The following ZNF490 variants were observed in gnomAD, a reference collection of about 807,000 sequenced individuals.
ZNF490 encodes zinc finger protein 490.
A neutral mutation model predicts 17.7 loss-of-function variants in ZNF490; 11 were observed. The ratio of observed to expected loss-of-function variants is 0.62; its 90% confidence interval spans 0.39 to 1.03. The LOEUF (loss-of-function observed/expected upper bound fraction) is 1.03. ZNF490 is among the 50% of genes least tolerant of loss of function. The pLI is 0.00. For synonymous variants in ZNF490, 222 were observed against 216.1 expected, an observed-to-expected ratio of 1.03 and a Z score of -0.24; for missense variants, 542 against 643.4, an observed-to-expected ratio of 0.84 and a Z score of 1.71.
intron 2 of ZNF490, among the ~76,000 whole-genome samples, chr19:12,590,732 C>T (rs1426386460): frequency 6.6e-6 from 1 of 152,032 alleles, no homozygotes; most frequent in Non-Finnish European, 1.5e-5. Flanking sequence ...ACATATAAGG[C>T]CAACTCCTTT....
At chr19:12,595,208 C>T (rs2022917127) in intron 2 of ZNF490, among the ~76,000 whole-genome samples, 1 of 150,784 alleles carries the variant, frequency 6.6e-6, no homozygotes, top group Non-Finnish European at 1.5e-5. Context: ...AGGGTGTGAT[C>T]TCGGCTCACC....
chr19:12,582,767 T>C, intron 4 of ZNF490, 83 bp downstream of exon 4: 1 of 1,175,610 alleles, frequency 8.5e-7, no homozygotes, highest in Non-Finnish European at 1.3e-6. Flanking sequence ...CTCTGCTTAT[T>C]GTTTTGCTTG....
At chr19:12,600,962 C>T (rs528449618) in intron 2 of ZNF490, among the ~76,000 whole-genome samples, 14 of 151,904 alleles carry the variant, frequency 9.2e-5, no homozygotes, top group South Asian at 2.1e-4. Context: ...TGGTGGTGCA[C>T]GCCTGTAGCC....
chr19:12,606,346 T>C (rs924722348), intron 2 of ZNF490, among the ~76,000 whole-genome samples: 1 of 147,540 alleles, frequency 6.8e-6, no homozygotes, highest in African/African-American at 2.5e-5. Context: ...GGTAATTCTT[T>C]TTTTTTTTTT....
intron 2 of ZNF490, among the ~76,000 whole-genome samples, chr19:12,590,458 C>T (rs1374656148): frequency 6.6e-6 from 1 of 150,554 alleles, no homozygotes; most frequent in Non-Finnish European, 1.5e-5. Context: ...CTCAATGATC[C>T]CCCCAACCCC....
chr19:12,590,121 T>C (rs545462328), intron 2 of ZNF490, among the ~76,000 whole-genome samples: 1 of 152,098 alleles, frequency 6.6e-6, no homozygotes, highest in Admixed American at 6.6e-5. Context: ...TTCACCATAT[T>C]GACCAGGCTG....
chr19:12,580,924 T>A lies in ZNF490; in HGVS notation c.1151A>T (p.His384Leu), dbSNP rs1460508211. ...SSSCEVHERT[H>L]FGEKPYECKQ... ...ACATTCATAGGGTTTTTCTCCAAAA[T>A]GAGTTCTTTCGTGCACTTCACAGGA... is the stretch of plus-strand genomic sequence containing the variant. The change falls in exon 5 of 5, where the codon CAT becomes CTT. Residue 384 changes from histidine (H) to leucine (L), a missense_variant. By Grantham distance (99) the His-to-Leu change is moderately conservative. Transcript: ENST00000311437. 1 of 1,614,110 alleles carries A rather than the reference T, an allele frequency of 6.2e-7. No homozygotes were observed. The highest frequency in any genetic ancestry group is 1.7e-5 in the Admixed American group (1 of 59,996).
chr19:12,579,993 G>C lies in ZNF490; in HGVS notation c.*492C>G. ...GTGGTGGCGCATGCCTGTAATCCCAGCTTCTTGGGAGGCTGCGGCAGGAGA... is the reference window on the plus strand; with the variant it reads ...GTGGTGGCGCATGCCTGTAATCCCACCTTCTTGGGAGGCTGCGGCAGGAGA... On this transcript the variant is annotated 3_prime_UTR_variant, in exon 5 of 5. Transcript: ENST00000311437. 1 of 264,808 alleles carries C rather than the reference G, an allele frequency of 3.8e-6. No individual in the cohort carries two copies. The highest frequency in any genetic ancestry group is 5.9e-6 in the Non-Finnish European group (1 of 170,936). 16.4% of individuals were successfully genotyped at this position (264,808 alleles called of 1,614,324 possible).
In ZNF490 at chr19:12,577,324, T is replaced by A. The variant is rs2022656026; in HGVS notation, c.*3161A>T. Among the ~76,000 whole-genome samples, 1 of 152,136 alleles carries A rather than the reference T, an allele frequency of 6.6e-6. No individual in the cohort carries two copies. The highest frequency in any genetic ancestry group is 1.5e-5 in the Non-Finnish European group (1 of 68,034). The stretch of plus-strand genomic sequence containing the variant: ...TCCTGTAGCAGAGATACCCCTTAGT[T>A]CCCCAATACCTATCACAAAAGATGG... On this transcript the variant is annotated 3_prime_UTR_variant, in exon 5 of 5. Coordinates refer to ENST00000311437, the MANE Select transcript of ZNF490 (RefSeq NM_020714.3).
At chr19:12,590,577 G>T (rs1322232124) in intron 2 of ZNF490, among the ~76,000 whole-genome samples, 1 of 151,996 alleles carries the variant, frequency 6.6e-6, no homozygotes, top group African/African-American at 2.4e-5. Flanking sequence ...AAAAGAAAAA[G>T]AAATAAAAGA....
chr19:12,602,688 G>C (rs2023022283), intron 2 of ZNF490, among the ~76,000 whole-genome samples: 1 of 142,632 alleles, frequency 7.0e-6, no homozygotes, highest in East Asian at 2.1e-4. Context: ...ACAGTGGTGT[G>C]ATCTCGGCTT....
intron 2 of ZNF490, among the ~76,000 whole-genome samples, chr19:12,604,072 G>C (rs2023038508): frequency 6.6e-6 from 1 of 152,194 alleles, no homozygotes; most frequent in Admixed American, 6.5e-5. Flanking sequence ...ATCACCCATA[G>C]TGAATGATGT....
intron 2 of ZNF490, among the ~76,000 whole-genome samples, chr19:12,584,100 GCAC>G (rs1437836940): frequency 0.11 from 4,344 of 41,352 alleles, 335 homozygotes; most frequent in Non-Finnish European, 0.18. Flanking sequence ...GTGAGCCACC[GCAC>G]CCTGCCATTA....
intron 2 of ZNF490, 95 bp from the exon 3 acceptor site, chr19:12,583,651 G>T: frequency 7.6e-7 from 1 of 1,317,298 alleles, no homozygotes; most frequent in Non-Finnish European, 1.0e-6. Flanking sequence ...ATATAATCCT[G>T]TAGTCTCGGT....
chr19:12,607,510 T>A (rs2023083164), intron 2 of ZNF490, among the ~76,000 whole-genome samples: 1 of 151,842 alleles, frequency 6.6e-6, no homozygotes, highest in South Asian at 2.1e-4. Flanking sequence ...CAGAACATAA[T>A]AGTAATAGTA....
chr19:12,578,941 G>A lies in ZNF490; in HGVS notation c.*1544C>T, dbSNP rs2022681075. 1.0e-6 allele frequency: 1 copy of A among 985,372 alleles called. No homozygotes were observed. The highest frequency in any genetic ancestry group is 6.2e-5 in the Admixed American group (1 of 16,242). 61.0% of individuals were successfully genotyped at this position (985,372 alleles called of 1,614,324 possible). A position where few individuals can be genotyped will look rare whatever the true frequency, so the allele number is the denominator to read the frequency against. On this transcript the variant is annotated 3_prime_UTR_variant, in exon 5 of 5. Transcript: ENST00000311437. ...ATTTAAGAAGGTGGCTCTCCAGTGT[G>A]GGTGGTTTCATGGTTTTAAAATGAA...
In ZNF490 at chr19:12,584,294, C is replaced by T. The variant is rs530198599; in HGVS notation, c.163-738G>A. Among the ~76,000 whole-genome samples, 3 of 90,054 alleles carry T rather than the reference C, an allele frequency of 3.3e-5. 1 individual carries two copies. Among genetic ancestry groups the T allele is most frequent in the African/African-American group, 1.0e-4 (3 of 29,904 alleles). The allele number at this position is 90,054 out of a possible 152,430, so 59.1% of individuals were successfully genotyped here. A position where few individuals can be genotyped will look rare whatever the true frequency, so the allele number is the denominator to read the frequency against. On this transcript the variant is annotated intron_variant, in intron 2 of 4. Coordinates refer to ENST00000311437, the MANE Select transcript of ZNF490 (RefSeq NM_020714.3). ...GCCCCAACCTCCCAAGTAGCTGGGACTACAGGCGCGTGCCACCACGCCCAG... is the reference window on the plus strand; with the variant it reads ...GCCCCAACCTCCCAAGTAGCTGGGATTACAGGCGCGTGCCACCACGCCCAG...
At chr19:12,597,238 A>G in intron 2 of ZNF490, 2 of 456,520 alleles carry the variant, frequency 4.4e-6, no homozygotes, top group East Asian at 1.4e-4. Flanking sequence ...ACGCAGAGCC[A>G]CAGACAGTCC....
At chr19:12,609,718 G>A (rs1323196944) in intron 1 of ZNF490, among the ~76,000 whole-genome samples, 3 of 152,138 alleles carry the variant, frequency 2.0e-5, no homozygotes, top group Non-Finnish European at 4.4e-5. Context: ...TCCTAAGTGC[G>A]ATGATGCAAA....
Sources: allele counts gnomAD v4.1 joint callset (sites outside exome capture counted in the v4.1 genomes callset), GRCh38; gene constraint gnomAD v4.1.1; transcripts MANE v1.5; gene names NCBI Gene and HGNC (gene_info 2026-07-23, HGNC 2026-07-21).